The following ALK variants were observed in gnomAD, a reference collection of about 807,000 sequenced individuals.
The protein encoded by ALK is ALK tyrosine kinase receptor.
In ALK, 74 loss-of-function variants were observed where a neutral mutation model predicts 163.1. The observed-to-expected ratio is 0.45, with a 90% CI of 0.38 to 0.55. ALK has a LOEUF of 0.55. Among genes scored for constraint, ALK ranks in the 20% least tolerant of loss-of-function variants. The pLI is 0.00. For synonymous variants in ALK, 960 were observed against 843.2 expected, an observed-to-expected ratio of 1.14 and a Z score of -2.40; for missense variants, 2,063 against 2,105.3, an observed-to-expected ratio of 0.98 and a Z score of 0.39.
intron 4 of ALK, among the ~76,000 whole-genome samples, chr2:29,419,970 G>A (rs1669975917): frequency 6.6e-6 from 1 of 151,118 alleles, no homozygotes; most frequent in Non-Finnish European, 1.5e-5. Context: ...ACCAGCCTGG[G>A]CAACATGGCA....
intron 2 of ALK, among the ~76,000 whole-genome samples, chr2:29,703,156 G>A (rs2148296164): frequency 6.6e-6 from 1 of 152,328 alleles, no homozygotes; most frequent in Middle Eastern, 3.4e-3. Context: ...CTTAAAATAT[G>A]ACAATATGAT....
chr2:29,720,220 A>T (rs1045903823), intron 1 of ALK, among the ~76,000 whole-genome samples: 10 of 152,076 alleles, frequency 6.6e-5, no homozygotes, highest in Non-Finnish European at 1.3e-4. Context: ...TTAAAAAAAA[A>T]GAAAGCTTTC....
chr2:29,752,584 G>A (rs1356864223), intron 1 of ALK, among the ~76,000 whole-genome samples: 1 of 151,776 alleles, frequency 6.6e-6, no homozygotes, highest in Non-Finnish European at 1.5e-5. Flanking sequence ...TCCTGACCTC[G>A]TGATCCGCCC....
intron 3 of ALK, among the ~76,000 whole-genome samples, chr2:29,582,544 C>T (rs530282696): frequency 2.0e-5 from 3 of 152,172 alleles, no homozygotes; most frequent in Non-Finnish European, 4.4e-5. Context: ...TAGGCTTCTG[C>T]GGGGCATTTG....
At chr2:29,849,864 C>A (rs1260596017) in intron 1 of ALK, among the ~76,000 whole-genome samples, 1 of 152,078 alleles carries the variant, frequency 6.6e-6, no homozygotes, top group Non-Finnish European at 1.5e-5. Context: ...GCCCTCCCCC[C>A]TCATCCCTCC....
Position 29,888,097 on chromosome 2 carries a change from C to T in ALK, c.667+31896G>A, listed in dbSNP as rs924817389. Among the ~76,000 whole-genome samples, 8 of 152,058 alleles carry T rather than the reference C, an allele frequency of 5.3e-5. No individual in the cohort carries two copies. The East Asian group carries it at 5.8e-4, about 11-fold the overall frequency. On this transcript the variant is annotated intron_variant, in intron 1 of 28. Coordinates refer to ENST00000389048, the MANE Select transcript of ALK (RefSeq NM_004304.5). ...GGTGGTTTATCACCTCTTAGAGGCT[C>T]GTGGGATAGCTGTGACTCAGCTAGT...
chr2:29,753,406 G>C (rs1680429713), intron 1 of ALK, among the ~76,000 whole-genome samples: 1 of 152,188 alleles, frequency 6.6e-6, no homozygotes. Context: ...AGCTTTTGCA[G>C]AAGTAGTAGG....
chr2:29,604,129 A>G (rs1675468658), intron 3 of ALK, among the ~76,000 whole-genome samples: 1 of 144,738 alleles, frequency 6.9e-6, no homozygotes, highest in Non-Finnish European at 1.5e-5. Context: ...CCCACTACCT[A>G]TTTTTGTATA....
At chr2:29,440,405 C>T (rs1573356033) in intron 4 of ALK, among the ~76,000 whole-genome samples, 1 of 149,958 alleles carries the variant, frequency 6.7e-6, no homozygotes, top group African/African-American at 2.5e-5. Context: ...TAATCTCTGC[C>T]TCCTGGGTTC....
At chr2:29,221,287 G>A in intron 22 of ALK, 1 of 511,866 alleles carries the variant, frequency 2.0e-6, no homozygotes, top group Non-Finnish European at 3.9e-6. Context: ...CCAGCAAAAG[G>A]GGATGGCCTC....
At chr2:29,304,276 T>G (rs1666444998) in intron 8 of ALK, among the ~76,000 whole-genome samples, 1 of 151,960 alleles carries the variant, frequency 6.6e-6, no homozygotes. Context: ...GGTGGGCAGA[T>G]CACAAGGTCA....
chr2:29,410,830 C>T (rs1178519604), intron 4 of ALK, among the ~76,000 whole-genome samples: 1 of 152,180 alleles, frequency 6.6e-6, no homozygotes, highest in Non-Finnish European at 1.5e-5. Context: ...CCTAGGACAT[C>T]ACTGTACACT....
intron 5 of ALK, among the ~76,000 whole-genome samples, chr2:29,349,738 A>C (rs1668060053): frequency 6.6e-6 from 1 of 152,232 alleles, no homozygotes; most frequent in Non-Finnish European, 1.5e-5. Flanking sequence ...TATGTCTGTC[A>C]GCTGGAAGAA....
At chr2:29,371,108 T>C (rs1558697942) in intron 5 of ALK, among the ~76,000 whole-genome samples, 2 of 152,174 alleles carry the variant, frequency 1.3e-5, no homozygotes, top group Non-Finnish European at 2.9e-5. Context: ...CCGAGACCAT[T>C]TGCTCTATGG....
chr2:29,702,843 C>G (rs1678785888), intron 2 of ALK, among the ~76,000 whole-genome samples: 1 of 152,226 alleles, frequency 6.6e-6, no homozygotes, highest in Non-Finnish European at 1.5e-5. Context: ...AAGCTGCCCC[C>G]ACGATTCAAT....
At chr2:29,520,746 G>A (rs757147679) in intron 4 of ALK, among the ~76,000 whole-genome samples, 1 of 152,146 alleles carries the variant, frequency 6.6e-6, no homozygotes, top group African/African-American at 2.4e-5. Context: ...TGATACAAAC[G>A]AATCATGGGT....
At chr2:29,468,267 T>A (rs1445448279) in intron 4 of ALK, among the ~76,000 whole-genome samples, 1 of 152,138 alleles carries the variant, frequency 6.6e-6, no homozygotes, top group Non-Finnish European at 1.5e-5. Flanking sequence ...GACACAGTGA[T>A]CCACCCACCT....
intron 1 of ALK, among the ~76,000 whole-genome samples, chr2:29,871,636 A>C (rs908508318): frequency 5.3e-5 from 8 of 152,218 alleles, no homozygotes; most frequent in African/African-American, 1.9e-4. Flanking sequence ...CCTTGACTAC[A>C]TATGTGCTTA....
intron 1 of ALK, among the ~76,000 whole-genome samples, chr2:29,743,042 C>T (rs1680104269): frequency 6.6e-6 from 1 of 152,320 alleles, no homozygotes; most frequent in East Asian, 1.9e-4. Context: ...AATTCAATCT[C>T]AGCAGCCTTA....
Sources: gnomAD v4.1 joint callset for allele counts (sites outside exome capture counted in the v4.1 genomes callset) on GRCh38, gnomAD v4.1.1 for gene constraint, MANE v1.5 for transcripts, NCBI Gene and HGNC (gene_info 2026-07-23, HGNC 2026-07-21) for gene names.